The following ADAM2 variants were observed in gnomAD, a reference collection of about 807,000 sequenced individuals.
ADAM2 encodes disintegrin and metalloproteinase domain-containing protein 2.
A neutral mutation model predicts 99.3 loss-of-function variants in ADAM2; 101 were observed. That is an observed-to-expected ratio of 1.02 (90% CI 0.87 to 1.20). The LOEUF is 1.20. Ranked by LOEUF, ADAM2 falls within the 50% of genes most tolerant of loss-of-function variation. The pLI is 0.00. For synonymous variants in ADAM2, 323 were observed against 287.6 expected, an observed-to-expected ratio of 1.12 and a Z score of -1.25; for missense variants, 948 against 878.7, an observed-to-expected ratio of 1.08 and a Z score of -1.00.
At chr8:39,801,380 G>A (rs971573168) in intron 7 of ADAM2, among the ~76,000 whole-genome samples, 1 of 152,140 alleles carries the variant, frequency 6.6e-6, no homozygotes, top group East Asian at 1.9e-4. Flanking sequence ...CAGCCAAGAT[G>A]GGTACCTTCT....
chr8:39,761,340 CAAAT>C, intron 14 of ADAM2, 59 bp from the exon 15 acceptor site: 2 of 939,124 alleles, frequency 2.1e-6, no homozygotes, highest in Non-Finnish European at 3.1e-6. Flanking sequence ...AAATAAATAA[CAAAT>C]ACACTTAAAA....
chr8:39,756,782 A>T (rs963785005), intron 15 of ADAM2, among the ~76,000 whole-genome samples: 4 of 152,238 alleles, frequency 2.6e-5, no homozygotes, highest in Non-Finnish European at 5.9e-5. Context: ...GCTGTTCTGC[A>T]CTCATAGTGC....
At chr8:39,797,712 CT>C (rs1804030287) in intron 7 of ADAM2, among the ~76,000 whole-genome samples, 1 of 152,088 alleles carries the variant, frequency 6.6e-6, no homozygotes, top group Admixed American at 6.5e-5. Flanking sequence ...TTTGTGTCCT[CT>C]TTTATTTCCT....
In ADAM2 at chr8:39,746,511, T is replaced by G. The variant is rs1823469620; in HGVS notation, c.2135A>C (p.Gln712Pro). ...LIAIMVKVNF[Q>P]RKKWRTEDYS... Reference sequence around the variant, plus strand: ...GTCCTCAGTTCTCCATTTTTTCCTTTGGAAATTAACTTTCACCATTATAGC... The same window carrying G: ...GTCCTCAGTTCTCCATTTTTTCCTTGGGAAATTAACTTTCACCATTATAGC... Residue 712 changes from glutamine (Q) to proline (P), a missense_variant, in exon 19 of 21, where the codon CAA becomes CCA. Coordinates refer to ENST00000265708, the MANE Select transcript of ADAM2 (RefSeq NM_001464.5). 4 of 1,596,952 alleles carry G rather than the reference T, an allele frequency of 2.5e-6. No homozygotes were observed. The highest frequency in any genetic ancestry group is 1.2e-5 in the South Asian group (1 of 86,776).
At chr8:39,835,426 T>C (rs1194857138) in intron 2 of ADAM2, among the ~76,000 whole-genome samples, 1 of 152,174 alleles carries the variant, frequency 6.6e-6, no homozygotes, top group East Asian at 1.9e-4. Flanking sequence ...GGCTCACGCC[T>C]GTAATCCCAG....
In ADAM2 at chr8:39,744,829, C is replaced by G. The variant is rs747273426; in HGVS notation, c.*30+1G>C. On this transcript the variant is annotated splice_donor_variant, in intron 20 of 20. Transcript: ENST00000265708. LOFTEE classifies it low-confidence loss of function (3UTR_SPLICE). ...ATTTTAAAAAAATGAAAGAAACTCA[C>G]AGTGATATCATGGCATCTCTGTTGT... The G allele has an allele frequency of 5.7e-6, 9 of 1,571,900 alleles. No homozygotes were observed. Among genetic ancestry groups the G allele is most frequent in the South Asian group, 3.5e-5 (3 of 84,716 alleles).
intron 6 of ADAM2, among the ~76,000 whole-genome samples, chr8:39,814,233 C>G (rs1374399553): frequency 6.6e-6 from 1 of 152,028 alleles, no homozygotes; most frequent in East Asian, 1.9e-4. Context: ...GTGGCTCACA[C>G]CTGTAATCAC....
intron 7 of ADAM2, among the ~76,000 whole-genome samples, chr8:39,789,446 C>G (rs1054029185): frequency 4.0e-5 from 6 of 151,698 alleles, no homozygotes; most frequent in African/African-American, 1.4e-4. Flanking sequence ...GGATCATGAT[C>G]CAGAAATAAA....
intron 7 of ADAM2, among the ~76,000 whole-genome samples, chr8:39,806,423 T>G (rs1193167814): frequency 2.0e-5 from 3 of 150,556 alleles, no homozygotes; most frequent in Admixed American, 2.0e-4. Context: ...TATATTATAT[T>G]AAAAATGTCC....
rs1291499884 is a variant in ADAM2 at position 39,753,352 on chromosome 8, T to C, written c.1797+2376A>G. On this transcript the variant is annotated intron_variant, in intron 16 of 20. Coordinates refer to ENST00000265708, the MANE Select transcript of ADAM2 (RefSeq NM_001464.5). ...GATTTAGGCTACCTGGCAGAAGAAA[T>C]TTCTAAGCAGCAAAGCATTCAAGAG... is the stretch of plus-strand genomic sequence containing the variant. Among the ~76,000 whole-genome samples, 8 of 151,790 alleles carry C rather than the reference T, an allele frequency of 5.3e-5. No individual in the cohort carries two copies. The South Asian group carries it at 6.2e-4, about 12-fold the overall frequency.
At position 39,769,477 on chromosome 8, in the gene ADAM2, C is replaced by A; in HGVS notation, c.1127G>T (p.Arg376Leu). 1.2e-6 allele frequency: 2 copies of A among 1,613,770 alleles called. No individual in the cohort carries two copies. The highest frequency in any genetic ancestry group is 1.7e-6 in the Non-Finnish European group (2 of 1,179,716). The change falls in exon 12 of 21, where the codon CGC becomes CTC. Residue 376 changes from arginine (R) to leucine (L), a missense_variant. Physicochemically the swap from Arg to Leu is moderately radical, Grantham distance 102 (BLOSUM62 -2). Transcript: ENST00000265708. The stretch of plus-strand genomic sequence containing the variant: ...TTGCTGTTTGAAAAAAGGATCTAAG[C>A]GAGGCTGATTGTGAAGACACTGGGA... ...QKSQCLHNQPRLDPFFKQQAV... is the reference protein window; with the variant it reads ...QKSQCLHNQPLLDPFFKQQAV...
intron 7 of ADAM2, among the ~76,000 whole-genome samples, chr8:39,794,006 T>C (rs1298737299): frequency 6.6e-6 from 1 of 152,138 alleles, no homozygotes; most frequent in Non-Finnish European, 1.5e-5. Context: ...ATCTTAAAAG[T>C]CTGTTTTAGC....
rs764981246 is a variant in ADAM2, at chr8:39,837,116, T to C, written c.132+20A>G. 4.5e-6 allele frequency: 7 copies of C among 1,544,842 alleles called. No individual in the cohort carries two copies. The highest frequency in any genetic ancestry group is 1.2e-5 in the South Asian group (1 of 84,290). On this transcript the variant is annotated intron_variant, in intron 2 of 20. Coordinates refer to ENST00000265708, the MANE Select transcript of ADAM2 (RefSeq NM_001464.5). The stretch of plus-strand genomic sequence containing the variant: ...CTTTACATCATTTTAAATTTGTAAA[T>C]ACTGTTAGTGATTCATTACCTGCGA...
At chr8:39,770,047 G>A (rs1802720211) in intron 11 of ADAM2, among the ~76,000 whole-genome samples, 1 of 148,322 alleles carries the variant, frequency 6.7e-6, no homozygotes, top group South Asian at 2.1e-4. Context: ...CCCGGTTCAA[G>A]CAATTCTTCT....
At chr8:39,829,047 A>C (rs1054645793) in intron 3 of ADAM2, among the ~76,000 whole-genome samples, 3 of 151,904 alleles carry the variant, frequency 2.0e-5, no homozygotes, top group Non-Finnish European at 4.4e-5. Context: ...AGATTCAATA[A>C]AGCTACTGAA....
chr8:39,746,204 T>A (rs937071807), intron 19 of ADAM2, among the ~76,000 whole-genome samples: 10 of 151,984 alleles, frequency 6.6e-5, no homozygotes, highest in Non-Finnish European at 1.3e-4. Flanking sequence ...TTTTGTATAT[T>A]TTTGGAGAGA....
intron 15 of ADAM2, among the ~76,000 whole-genome samples, chr8:39,760,637 C>T (rs988430728): frequency 6.6e-6 from 1 of 151,848 alleles, no homozygotes; most frequent in Admixed American, 6.6e-5. Context: ...AGGAGAATGG[C>T]GTGAACCCGG....
intron 6 of ADAM2, among the ~76,000 whole-genome samples, chr8:39,809,772 C>T (rs1017824675): frequency 1.3e-5 from 2 of 152,018 alleles, no homozygotes; most frequent in Non-Finnish European, 2.9e-5. Flanking sequence ...TACAAGAGCT[C>T]CTGAAGGAAG....
At chr8:39,810,325 A>C (rs1169034238) in intron 6 of ADAM2, among the ~76,000 whole-genome samples, 2 of 152,156 alleles carry the variant, frequency 1.3e-5, no homozygotes, top group African/African-American at 4.8e-5. Context: ...ACTCCCACAC[A>C]ATAATAATGG....
Sources: gnomAD v4.1 joint callset for allele counts (sites outside exome capture counted in the v4.1 genomes callset) on GRCh38, gnomAD v4.1.1 for gene constraint, MANE v1.5 for transcripts, NCBI Gene and HGNC (gene_info 2026-07-23, HGNC 2026-07-21) for gene names.